TAFA1: variants seen among roughly 807,000 people sequenced by gnomAD.
The protein encoded by TAFA1 is TAFA chemokine like family member 1, also known as chemokine-like protein TAFA-1.
TAFA1 carries 4 observed loss-of-function variants against 18.5 expected under a neutral mutation model. The observed-to-expected ratio is 0.22, with a 90% CI of 0.11 to 0.49. TAFA1 has a LOEUF of 0.49. Ranked by LOEUF, TAFA1 falls within the 20% of genes least tolerant of loss-of-function variation. The pLI is 0.98. For synonymous variants in TAFA1, 56 were observed against 55.2 expected (o/e 1.01, Z -0.06); for missense variants, 147 against 169.0 (o/e 0.87, Z 0.72).
chr3:68,045,038 A>C (rs990422888), intron 2 of TAFA1, among the ~76,000 whole-genome samples: 2 of 152,056 alleles, frequency 1.3e-5, no homozygotes, highest in Non-Finnish European at 2.9e-5. Flanking sequence ...ACCTCAGCTG[A>C]TCTCAGCTGG....
chr3:68,525,383 C>T (rs2073094633), intron 3 of TAFA1, among the ~76,000 whole-genome samples: 1 of 152,124 alleles, frequency 6.6e-6, no homozygotes, highest in Non-Finnish European at 1.5e-5. Context: ...GAAGGCTCTG[C>T]TATGCTTTTA....
chr3:68,228,775 T>C (rs1050372539), intron 2 of TAFA1, among the ~76,000 whole-genome samples: 5 of 152,206 alleles, frequency 3.3e-5, no homozygotes, highest in Non-Finnish European at 1.5e-5. Flanking sequence ...ATGCCAAGAC[T>C]GGAATAAAAC....
intron 2 of TAFA1, among the ~76,000 whole-genome samples, chr3:68,346,821 G>A (rs934563804): frequency 6.6e-6 from 1 of 152,092 alleles, no homozygotes; most frequent in African/African-American, 2.4e-5. Flanking sequence ...TTCTTTTTCT[G>A]AAACAAGACA....
At chr3:68,096,352 C>T (rs1445915301) in intron 2 of TAFA1, among the ~76,000 whole-genome samples, 1 of 151,962 alleles carries the variant, frequency 6.6e-6, no homozygotes, top group Non-Finnish European at 1.5e-5. Flanking sequence ...TAGGTTATTC[C>T]ATATCTTTGC....
chr3:68,212,278 G>A (rs2066606884), intron 2 of TAFA1, among the ~76,000 whole-genome samples: 1 of 151,434 alleles, frequency 6.6e-6, no homozygotes, highest in Non-Finnish European at 1.5e-5. Flanking sequence ...AGAGGAGAGG[G>A]GTAAGAGATG....
intron 2 of TAFA1, among the ~76,000 whole-genome samples, chr3:68,183,121 C>A (rs2066225128): frequency 1.3e-5 from 2 of 152,110 alleles, no homozygotes. Context: ...TGCCCCATCG[C>A]TTTGGGTGAA....
At chr3:68,092,230 CCTT>C (rs560473697) in intron 2 of TAFA1, among the ~76,000 whole-genome samples, 21 of 152,144 alleles carry the variant, frequency 1.4e-4, no homozygotes, top group African/African-American at 3.6e-4. Context: ...GAAACACACA[CCTT>C]TTTTTTTTCT....
intron 2 of TAFA1, among the ~76,000 whole-genome samples, chr3:68,312,464 A>G (rs1362014121): frequency 6.6e-6 from 1 of 152,110 alleles, no homozygotes; most frequent in Middle Eastern, 3.2e-3. Context: ...AATTTTTTCC[A>G]CCAGATACCC....
At chr3:68,046,575 G>T (rs1432660820) in intron 2 of TAFA1, among the ~76,000 whole-genome samples, 1 of 152,036 alleles carries the variant, frequency 6.6e-6, no homozygotes, top group Non-Finnish European at 1.5e-5. Flanking sequence ...ATCAATGTTG[G>T]GTAAGTTGAT....
rs139367899 is a variant in TAFA1 at position 68,188,101 on chromosome 3, C to G, written c.118+181357C>G. On this transcript the variant is annotated intron_variant, in intron 2 of 4. Coordinates refer to ENST00000478136, the MANE Select transcript of TAFA1 (RefSeq NM_213609.4). The stretch of plus-strand genomic sequence containing the variant: ...TTCCATATTCTATTCTGTGGATTGC[C>G]TATTCATATTCTTGAGGATGTTTAT... 9.5e-3 allele frequency among the ~76,000 whole-genome samples: 1,439 copies of G among 151,924 alleles called. 28 individuals carry two copies. Among genetic ancestry groups the G allele is most frequent in the African/African-American group, 0.033 (1,386 of 41,490 alleles).
At chr3:68,108,072 T>C (rs2065223329) in intron 2 of TAFA1, among the ~76,000 whole-genome samples, 1 of 152,166 alleles carries the variant, frequency 6.6e-6, no homozygotes, top group Non-Finnish European at 1.5e-5. Context: ...CTAATACTTC[T>C]GACCAGGTTG....
At chr3:68,169,880 A>G (rs1015827021) in intron 2 of TAFA1, among the ~76,000 whole-genome samples, 2 of 152,202 alleles carry the variant, frequency 1.3e-5, no homozygotes, top group Non-Finnish European at 1.5e-5. Flanking sequence ...TGTAATGACA[A>G]AGTTTGTTAC....
intron 2 of TAFA1, among the ~76,000 whole-genome samples, chr3:68,156,712 A>G (rs1356753832): frequency 6.6e-6 from 1 of 152,064 alleles, no homozygotes; most frequent in East Asian, 1.9e-4. Flanking sequence ...GATGAACAGC[A>G]TCATTTTCAT....
At chr3:68,376,617 T>TG (rs1305214440) in intron 2 of TAFA1, among the ~76,000 whole-genome samples, 37 of 152,200 alleles carry the variant, frequency 2.4e-4, no homozygotes, top group Non-Finnish European at 4.1e-4. Context: ...TAGTATTCCA[T>TG]GGGGTATATG....
intron 2 of TAFA1, among the ~76,000 whole-genome samples, chr3:68,051,038 C>A (rs577486854): frequency 6.6e-6 from 1 of 152,220 alleles, no homozygotes; most frequent in South Asian, 2.1e-4. Flanking sequence ...GGTATTGTAT[C>A]TCAGCTTGAT....
At chr3:68,449,207 G>A (rs1007518796) in intron 3 of TAFA1, among the ~76,000 whole-genome samples, 5 of 152,196 alleles carry the variant, frequency 3.3e-5, no homozygotes, top group African/African-American at 4.8e-5. Context: ...AGCCTTGAGG[G>A]TTGAGTAGGA....
chr3:68,295,053 C>T (rs1230095185), intron 2 of TAFA1, among the ~76,000 whole-genome samples: 1 of 152,068 alleles, frequency 6.6e-6, no homozygotes. Flanking sequence ...TGTCTTTGCA[C>T]AATTCACTAT....
At chr3:68,127,693 ATGG>A (rs1160941036) in intron 2 of TAFA1, among the ~76,000 whole-genome samples, 2 of 122,008 alleles carry the variant, frequency 1.6e-5, no homozygotes, top group South Asian at 2.8e-4. Context: ...TGGTGTGATG[ATGG>A]TGGTGGTGGT....
At chr3:68,374,721 T>A (rs1310842872) in intron 2 of TAFA1, among the ~76,000 whole-genome samples, 4 of 152,208 alleles carry the variant, frequency 2.6e-5, no homozygotes, top group Non-Finnish European at 5.9e-5. Flanking sequence ...GATTTGGTAT[T>A]GATGAAAGTC....
Sources: gnomAD v4.1 joint callset for allele counts (sites outside exome capture counted in the v4.1 genomes callset) on GRCh38, gnomAD v4.1.1 for gene constraint, MANE v1.5 for transcripts, NCBI Gene and HGNC (gene_info 2026-07-23, HGNC 2026-07-21) for gene names.